Variants in RNFT2 observed in about 807,000 individuals in gnomAD.
RNFT2 encodes the protein E3 ubiquitin-protein ligase RNFT2.
Under a neutral mutation model 53.0 loss-of-function variants are expected in RNFT2, and 36 were observed. The observed-to-expected ratio is 0.68, with a 90% confidence interval of 0.52 to 0.90. RNFT2 has a LOEUF of 0.90. RNFT2 is among the 40% of genes least tolerant of loss of function. The pLI is 0.00. For synonymous variants in RNFT2, 260 were observed against 253.2 expected (o/e 1.03, Z -0.26); for missense variants, 514 against 585.6 (o/e 0.88, Z 1.26).
chr12:116,827,219 CAAA>C (rs753600365), intron 7 of RNFT2, among the ~76,000 whole-genome samples: 7 of 92,350 alleles, frequency 7.6e-5, no homozygotes, highest in African/African-American at 1.8e-4. Context: ...GACTCCATCT[CAAA>C]AAAAAAAAAA....
intron 7 of RNFT2, among the ~76,000 whole-genome samples, chr12:116,788,825 T>TGG (rs1210027932): frequency 6.5e-4 from 45 of 68,714 alleles, no homozygotes; most frequent in Middle Eastern, 7.6e-3. Flanking sequence ...GATGGATGGA[T>TGG]AGATGGATGG....
At chr12:116,825,584 T>C (rs563908044) in intron 7 of RNFT2, among the ~76,000 whole-genome samples, 2 of 152,256 alleles carry the variant, frequency 1.3e-5, no homozygotes, top group Non-Finnish European at 2.9e-5. Context: ...AGCCAATGGT[T>C]ACATTTTCAT....
chr12:116,807,635 C>T (rs1251298582), intron 7 of RNFT2, among the ~76,000 whole-genome samples: 1 of 152,162 alleles, frequency 6.6e-6, no homozygotes, highest in East Asian at 1.9e-4. Context: ...GAGACTGCAA[C>T]TCAAACAGCA....
At position 116,852,244 on chromosome 12, in the gene RNFT2, T is replaced by C; in HGVS notation, c.*2796T>C. ...GCAATCTGTGTGGCTAGTGGGCAGATTACCATGCAAGCCCCAGGAGAAATG... is the reference window on the plus strand; with the variant it reads ...GCAATCTGTGTGGCTAGTGGGCAGACTACCATGCAAGCCCCAGGAGAAATG... On this transcript the variant is annotated 3_prime_UTR_variant, in exon 11 of 11. Coordinates refer to ENST00000257575, the MANE Select transcript of RNFT2 (RefSeq NM_001382266.1). 7.8e-7 allele frequency: 1 copy of C among 1,275,128 alleles called. No homozygotes were observed. The highest frequency in any genetic ancestry group is 2.2e-5 in the South Asian group (1 of 44,546). The allele number at this position is 1,275,128 out of a possible 1,614,324, so 79.0% of individuals were successfully genotyped here. A position where few individuals can be genotyped will look rare whatever the true frequency, so the allele number is the denominator to read the frequency against.
In RNFT2 at chr12:116,795,073, A is replaced by G. The variant is rs1357731305; in HGVS notation, c.882+15725A>G. On this transcript the variant is annotated intron_variant, in intron 7 of 10. Transcript: ENST00000257575. ...ATACTCCTACTTCTATAATACTAAT[A>G]CTAATTATTAAACATTTGATGTGTC... is the stretch of plus-strand genomic sequence containing the variant. Among the ~76,000 whole-genome samples, 4 of 152,040 alleles carry G rather than the reference A, an allele frequency of 2.6e-5. No individual in the cohort carries two copies. The East Asian group carries it at 7.7e-4, about 29-fold the overall frequency.
chr12:116,832,122 C>A (rs1490163801), intron 7 of RNFT2, among the ~76,000 whole-genome samples: 1 of 90,714 alleles, frequency 1.1e-5, no homozygotes, highest in Non-Finnish European at 2.1e-5. Context: ...CATAGCAAGA[C>A]CTTGTCTCAA....
chr12:116,778,969 AT>A (rs1251269529), intron 6 of RNFT2, among the ~76,000 whole-genome samples: 1 of 152,274 alleles, frequency 6.6e-6, no homozygotes, highest in African/African-American at 2.4e-5. Flanking sequence ...CTCCAGGCCA[AT>A]ATGGCCATTT....
Position 116,749,378 on chromosome 12 carries a change from A to G in RNFT2, c.84-463A>G, listed in dbSNP as rs142224073. Among the ~76,000 whole-genome samples the G allele has an allele frequency of 7.2e-3, 1,079 of 149,540 alleles. 48 individuals are homozygous for G. The East Asian group carries it at 0.12, about 17-fold the overall frequency. ...CTACAGCCTCAACCTCCTGGGCTCAAGTGATCCTCCCACCTCAGCCTCCTG... is the reference window on the plus strand; with the variant it reads ...CTACAGCCTCAACCTCCTGGGCTCAGGTGATCCTCCCACCTCAGCCTCCTG... On this transcript the variant is annotated intron_variant, in intron 3 of 10. Transcript: ENST00000257575.
chr12:116,772,654 G>T (rs1219063440), intron 6 of RNFT2, among the ~76,000 whole-genome samples: 1 of 151,990 alleles, frequency 6.6e-6, no homozygotes, highest in African/African-American at 2.4e-5. Flanking sequence ...CATTTAAAAA[G>T]GACCAAAAAC....
intron 5 of RNFT2, among the ~76,000 whole-genome samples, chr12:116,760,871 C>T (rs1872668863): frequency 6.6e-6 from 1 of 152,306 alleles, no homozygotes; most frequent in South Asian, 2.1e-4. Context: ...CTCACCAAAA[C>T]CTCTTCTTTT....
chr12:116,752,573 A>T (rs1872300202), intron 4 of RNFT2, among the ~76,000 whole-genome samples: 2 of 152,206 alleles, frequency 1.3e-5, no homozygotes, highest in Admixed American at 1.3e-4. Flanking sequence ...TGGAGTACAC[A>T]TACCTATTAA....
At position 116,786,362 on chromosome 12, in the gene RNFT2, C is replaced by T. The variant is rs111755775; in HGVS notation, c.882+7014C>T. Among the ~76,000 whole-genome samples the T allele has an allele frequency of 9.0e-3, 1,367 of 152,180 alleles. 21 individuals carry two copies. Among genetic ancestry groups the T allele is most frequent in the African/African-American group, 0.032 (1,314 of 41,536 alleles). On this transcript the variant is annotated intron_variant, in intron 7 of 10. Transcript: ENST00000257575. ...CTGACTTCAGGTGATCCACCCACCT[C>T]GGCCTCCCAAAGTGCTGGGATTACA...
At chr12:116,765,489 T>C (rs1263698983) in intron 5 of RNFT2, among the ~76,000 whole-genome samples, 4 of 152,134 alleles carry the variant, frequency 2.6e-5, no homozygotes, top group Non-Finnish European at 5.9e-5. Context: ...AAGGTTACAC[T>C]GGGAAAGTTA....
At chr12:116,746,244 A>AT (rs1871888563) in intron 3 of RNFT2, among the ~76,000 whole-genome samples, 1 of 152,116 alleles carries the variant, frequency 6.6e-6, no homozygotes, top group Non-Finnish European at 1.5e-5. Context: ...TCAAAAAAAA[A>AT]CAAGAATCAC....
intron 10 of RNFT2, among the ~76,000 whole-genome samples, chr12:116,841,750 A>ATATATAAATAT: frequency 7.6e-6 from 1 of 132,064 alleles, no homozygotes. Context: ...TCTGTCTCAA[A>ATATATAAATAT]AAATATATAA....
intron 6 of RNFT2, among the ~76,000 whole-genome samples, chr12:116,769,869 TA>T (rs565524025): frequency 6.6e-6 from 1 of 151,562 alleles, no homozygotes; most frequent in African/African-American, 2.4e-5. Flanking sequence ...CCGTCTCTAC[TA>T]AAAAAAATAC....
intron 7 of RNFT2, among the ~76,000 whole-genome samples, chr12:116,783,267 T>C (rs1214753680): frequency 6.6e-6 from 1 of 152,228 alleles, no homozygotes; most frequent in Admixed American, 6.5e-5. Context: ...GTCTGACCTC[T>C]GAGAATCCTA....
At chr12:116,779,072 C>A in intron 6 of RNFT2, 123 bp from the exon 7 acceptor site, 1 of 1,003,300 alleles carries the variant, frequency 1.0e-6, no homozygotes. Flanking sequence ...AGGACACAGA[C>A]GTCTGACTCC....
intron 8 of RNFT2, among the ~76,000 whole-genome samples, chr12:116,834,736 C>G (rs1169194598): frequency 1.3e-5 from 2 of 152,002 alleles, no homozygotes; most frequent in Non-Finnish European, 2.9e-5. Context: ...TAACATGTAT[C>G]AGTATTTTTT....
Sources: gnomAD v4.1 joint callset for allele counts (sites outside exome capture counted in the v4.1 genomes callset) on GRCh38, gnomAD v4.1.1 for gene constraint, MANE v1.5 for transcripts, NCBI Gene and HGNC (gene_info 2026-07-23, HGNC 2026-07-21) for gene names.